MYO18B: variants seen among roughly 807,000 people sequenced by gnomAD.
MYO18B encodes unconventional myosin-XVIIIb.
Under a neutral mutation model 273.0 loss-of-function variants are expected in MYO18B, and 204 were observed. The observed-to-expected ratio is 0.75, with a 90% CI of 0.67 to 0.84. The LOEUF is 0.84. Among genes scored for constraint, MYO18B ranks in the 40% least tolerant of loss-of-function variants. The probability of loss-of-function intolerance (pLI) is 0.00; values close to 1 mark genes in which losing one functional copy is unlikely to be tolerated. For missense variants in MYO18B, 3,212 were observed against 3,287.6 expected, an observed-to-expected ratio of 0.98 and a Z score of 0.56; for synonymous variants, 1,330 against 1,305.7, an observed-to-expected ratio of 1.02 and a Z score of -0.40.
At position 26,001,884 on chromosome 22, in the gene MYO18B, G is replaced by A. The variant is rs1933987068; in HGVS notation, c.6288-1381G>A. 3.3e-5 allele frequency among the ~76,000 whole-genome samples: 5 copies of A among 152,342 alleles called. No homozygotes were observed. In the South Asian group the frequency reaches 1.0e-3, roughly 32 times the overall value. On this transcript the variant is annotated intron_variant, in intron 40 of 43. Transcript: ENST00000335473. The stretch of plus-strand genomic sequence containing the variant: ...ATAGTAAACAAGAACTAACACCAGT[G>A]TGTGCTTTGATTAGCTATTGGGCTA...
intron 34 of MYO18B, among the ~76,000 whole-genome samples, chr22:25,930,218 C>T (rs543944951): frequency 6.6e-6 from 1 of 152,076 alleles, no homozygotes; most frequent in African/African-American, 2.4e-5. Flanking sequence ...GTGAGGGTGC[C>T]GCCTCTCCTT....
intron 13 of MYO18B, 64 bp from the exon 14 acceptor site, chr22:25,826,345 A>G: frequency 1.6e-6 from 2 of 1,253,610 alleles, no homozygotes; most frequent in African/African-American, 3.0e-5. Context: ...ACTGCTCTGC[A>G]GTGATGTCCT....
intron 7 of MYO18B, among the ~76,000 whole-genome samples, chr22:25,774,486 C>T (rs1056615245): frequency 1.3e-5 from 2 of 152,258 alleles, no homozygotes; most frequent in East Asian, 3.8e-4. Flanking sequence ...TGGATTGAGG[C>T]ATCAGAACTT....
In MYO18B at chr22:25,781,842, C is replaced by T. The variant is rs767421068; in HGVS notation, c.2312+8C>T. ...ATTGGACTTGGATCTCAGGTGAGCA[C>T]TTGGGGCAGGAAGAGACAGCTGAGG... On this transcript the variant is annotated splice_region_variant and intron_variant, in intron 10 of 43. Transcript: ENST00000335473. 6.5e-6 allele frequency: 10 copies of T among 1,538,766 alleles called. No individual in the cohort carries two copies. The African/African-American group carries it at 1.2e-4, about 19-fold the overall frequency.
In MYO18B at chr22:25,993,698, G is replaced by GC. The variant is rs1569274145; in HGVS notation, c.6287+1206dup. Among the ~76,000 whole-genome samples, 3 of 152,264 alleles carry GC rather than the reference G, an allele frequency of 2.0e-5. No homozygotes were observed. In the South Asian group the frequency reaches 6.2e-4, roughly 32 times the overall value. ...TTCACACCTCTCTTAAGGGCTGGAG[G>GC]CAGGGGTAGCTGCTGACCTTTGGGA... On this transcript the variant is annotated intron_variant, in intron 40 of 43. Coordinates refer to ENST00000335473, the MANE Select transcript of MYO18B (RefSeq NM_032608.7).
the MYO18B span, among the ~76,000 whole-genome samples, chr22:26,056,236 CA>C: frequency 6.6e-6 from 1 of 152,098 alleles, no homozygotes; most frequent in African/African-American, 2.4e-5. Context: ...TATATAAAGC[CA>C]AAATAGGAAC....
intron 6 of MYO18B, 47 bp downstream of exon 6, chr22:25,771,031 C>A: frequency 7.6e-7 from 1 of 1,312,970 alleles, no homozygotes; most frequent in Non-Finnish European, 1.1e-6. Context: ...CCCTGTCCCA[C>A]TTCACCCCAG....
intron 34 of MYO18B, among the ~76,000 whole-genome samples, chr22:25,924,501 C>T (rs563257398): frequency 1.3e-5 from 2 of 152,320 alleles, no homozygotes; most frequent in South Asian, 4.2e-4. Context: ...TAAATAGAAT[C>T]ATCCCACACC....
chr22:25,765,784 G>A (rs191864691), intron 3 of MYO18B, among the ~76,000 whole-genome samples: 4 of 152,282 alleles, frequency 2.6e-5, no homozygotes, highest in Admixed American at 6.5e-5. Context: ...GGTGGGAGGA[G>A]GCTGGCACTG....
intron 29 of MYO18B, chr22:25,900,153 A>C (rs1052019608): frequency 6.6e-6 from 1 of 152,224 alleles, no homozygotes; most frequent in African/African-American, 2.4e-5. Context: ...CTATTTCTTC[A>C]TATTTGCATG....
At chr22:25,944,447 C>T (rs532599219) in intron 34 of MYO18B, among the ~76,000 whole-genome samples, 56 of 152,164 alleles carry the variant, frequency 3.7e-4, no homozygotes, top group African/African-American at 1.2e-3. Flanking sequence ...TTTTCTGTTC[C>T]GAGATACAGA....
At position 25,768,927 on chromosome 22, in the gene MYO18B, A is replaced by G. The variant is rs2086612243; in HGVS notation, c.1011A>G (p.Lys337=). Residue 337 remains lysine, a synonymous_variant, in exon 4 of 44, where the codon AAA becomes AAG. Transcript: ENST00000335473. ...KWDGPQNKKD[K]EGVLLSKAEK... is the part of the protein sequence containing the mutation. ...ACGGTCCCCAGAATAAGAAGGACAA[A>G]GAAGGGGTGCTCTTAAGTAAGGCAG... 6.2e-7 allele frequency: 1 copy of G among 1,612,524 alleles called. No individual in the cohort carries two copies.
intron 11 of MYO18B, 122 bp from the exon 12 acceptor site, chr22:25,797,831 A>G: frequency 7.2e-7 from 1 of 1,388,728 alleles, no homozygotes; most frequent in South Asian, 1.2e-5. Flanking sequence ...ATTGTGGGTA[A>G]TTTATTGTGG....
At chr22:25,900,969 C>T (rs1002729465) in intron 29 of MYO18B, 3 of 152,196 alleles carry the variant, frequency 2.0e-5, no homozygotes, top group East Asian at 1.9e-4. Context: ...GTGAATGGAT[C>T]GAATAACATG....
chr22:25,815,290 T>C (rs2088953200), intron 12 of MYO18B, among the ~76,000 whole-genome samples: 1 of 152,214 alleles, frequency 6.6e-6, no homozygotes, highest in East Asian at 1.9e-4. Context: ...TCTACCTTGC[T>C]AGCTGAGTGA....
chr22:25,754,222 G>A (rs114159181), intron 1 of MYO18B, among the ~76,000 whole-genome samples: 1,786 of 152,314 alleles, frequency 0.012, 29 homozygotes, highest in East Asian at 0.055. Flanking sequence ...GACTTTAGGT[G>A]ACGATGTGAG....
At chr22:25,967,604 T>C (rs1429875396) in intron 39 of MYO18B, among the ~76,000 whole-genome samples, 1 of 152,214 alleles carries the variant, frequency 6.6e-6, no homozygotes, top group Non-Finnish European at 1.5e-5. Flanking sequence ...GAGAATTGGC[T>C]GGTTTGGAAT....
At position 25,769,321 on chromosome 22, in the gene MYO18B, C is replaced by G. The variant is rs777045415; in HGVS notation, c.1405C>G (p.Pro469Ala). ...GACAGAGCTGGAAGGACCCAGCCAG[C>G]CTGCTCTGGAGAAGGATGCAGAAAG... ...LETELEGPSQ[P>A]ALEKDAERPR... Residue 469 changes from proline to alanine, a missense_variant, in exon 4 of 44, where the codon CCT becomes GCT. By Grantham distance (27) the Pro-to-Ala change is conservative. Coordinates refer to ENST00000335473, the MANE Select transcript of MYO18B (RefSeq NM_032608.7). The G allele has an allele frequency of 1.3e-6, 2 of 1,578,576 alleles. No individual in the cohort carries two copies.
At chr22:26,061,085 G>C in the MYO18B span, among the ~76,000 whole-genome samples, 1 of 136,380 alleles carries the variant, frequency 7.3e-6, no homozygotes, top group Admixed American at 7.1e-5. Flanking sequence ...GCTACTGTTG[G>C]CTTGGCCCCC....
Sources: allele counts gnomAD v4.1 joint callset (sites outside exome capture counted in the v4.1 genomes callset), GRCh38; gene constraint gnomAD v4.1.1; transcripts MANE v1.5; gene names NCBI Gene and HGNC (gene_info 2026-07-23, HGNC 2026-07-21).